TNPO1: variants seen among roughly 807,000 people sequenced by gnomAD.
TNPO1 encodes transportin-1.
In TNPO1, 8 loss-of-function variants were observed where a neutral mutation model predicts 119.5. The observed-to-expected ratio is 0.07, with a 90% CI of 0.04 to 0.12. The LOEUF (loss-of-function observed/expected upper bound fraction) is 0.12, where lower values mean the gene tolerates loss of function less well. TNPO1 is among the 10% of genes least tolerant of loss of function. The probability of loss-of-function intolerance (pLI) is 1.00; values close to 1 mark genes in which losing one functional copy is unlikely to be tolerated. For synonymous variants in TNPO1, 362 were observed against 363.0 expected, an observed-to-expected ratio of 1.00 and a Z score of 0.03; for missense variants, 576 against 1,089.8, an observed-to-expected ratio of 0.53 and a Z score of 6.64.
chr5:72,901,242 T>A (rs1749777233), intron 22 of TNPO1, among the ~76,000 whole-genome samples, 169 bp downstream of exon 22: 1 of 152,214 alleles, frequency 6.6e-6, no homozygotes, highest in Non-Finnish European at 1.5e-5. Context: ...AATGCCTTTT[T>A]TTTTTCCTAA....
In TNPO1 at chr5:72,896,868, AAAAT is replaced by A. The variant is rs1319858032; in HGVS notation, c.2243-176_2243-173del. ...TGGTGACGGAGCGAAACTTTGTCTC[AAAAT>A]AAATAAATAAAATATAAATTTTTAG... On this transcript the variant is annotated intron_variant, in intron 19 of 24. Transcript: ENST00000337273. 3.9e-5 allele frequency among the ~76,000 whole-genome samples: 6 copies of A among 152,320 alleles called. No homozygotes were observed. In the East Asian group the frequency reaches 5.8e-4, roughly 15 times the overall value.
intron 14 of TNPO1, among the ~76,000 whole-genome samples, chr5:72,890,389 G>A (rs1748962430): frequency 6.6e-6 from 1 of 152,122 alleles, no homozygotes; most frequent in South Asian, 2.1e-4. Context: ...GGGGTAGTAG[G>A]TTTAAAAATG....
chr5:72,827,736 A>C (rs377749715), intron 1 of TNPO1, among the ~76,000 whole-genome samples: 4 of 152,004 alleles, frequency 2.6e-5, no homozygotes, highest in East Asian at 3.9e-4. Context: ...CAGCATAGGG[A>C]GACCCTGTCT....
chr5:72,827,917 C>CAAA, intron 1 of TNPO1, among the ~76,000 whole-genome samples: 1 of 79,356 alleles, frequency 1.3e-5, no homozygotes, highest in Non-Finnish European at 2.6e-5. Flanking sequence ...GAGATCCTGC[C>CAAA]AAAAAAAAAA....
At chr5:72,849,541 G>A (rs972883822) in intron 2 of TNPO1, among the ~76,000 whole-genome samples, 1 of 152,186 alleles carries the variant, frequency 6.6e-6, no homozygotes, top group Non-Finnish European at 1.5e-5. Context: ...CTGTAAAGAT[G>A]AAGTTATTTA....
At chr5:72,856,186 A>G (rs1264021720) in intron 4 of TNPO1, among the ~76,000 whole-genome samples, 1 of 152,178 alleles carries the variant, frequency 6.6e-6, no homozygotes, top group Non-Finnish European at 1.5e-5. Flanking sequence ...AACAAGTGAT[A>G]TTAATTTGCG....
At chr5:72,843,256 G>T (rs927247364) in intron 1 of TNPO1, among the ~76,000 whole-genome samples, 1 of 152,146 alleles carries the variant, frequency 6.6e-6, no homozygotes, top group African/African-American at 2.4e-5. Context: ...ACATATACAT[G>T]TGGAACTTTT....
At chr5:72,851,092 G>A (rs772769197) in intron 2 of TNPO1, 152 bp from the exon 3 acceptor site, 64 of 601,456 alleles carry the variant, frequency 1.1e-4, no homozygotes, top group Non-Finnish European at 1.7e-4. Flanking sequence ...AATAGATGTT[G>A]ATAGATTTAG....
chr5:72,824,939 C>T (rs769474742), intron 1 of TNPO1, among the ~76,000 whole-genome samples: 1 of 152,228 alleles, frequency 6.6e-6, no homozygotes, highest in Non-Finnish European at 1.5e-5. Context: ...CCCACAGACT[C>T]TCCCATTTCT....
At chr5:72,822,011 T>G (rs1284219383) in intron 1 of TNPO1, among the ~76,000 whole-genome samples, 1 of 152,208 alleles carries the variant, frequency 6.6e-6, no homozygotes, top group Admixed American at 6.5e-5. Flanking sequence ...TATGGCCAGA[T>G]TTGACTAAGG....
chr5:72,816,675 T>A lies in TNPO1; in HGVS notation c.-63T>A, dbSNP rs919990974. The A allele has an allele frequency of 2.0e-6, 3 of 1,508,120 alleles. No individual in the cohort carries two copies. Among genetic ancestry groups the A allele is most frequent in the Non-Finnish European group, 2.7e-6 (3 of 1,127,360 alleles). The allele number at this position is 1,508,120 out of a possible 1,614,324, so 93.4% of individuals were successfully genotyped here. ...AGATTCTCTTTGTTCCGCAGCCATT[T>A]CAGGCCCCGGACAGGAGGCAGTGCC... On this transcript the variant is annotated 5_prime_UTR_variant, in exon 1 of 25. Coordinates refer to ENST00000337273, the MANE Select transcript of TNPO1 (RefSeq NM_002270.4).
At chr5:72,906,063 C>G (rs1329752881) in intron 24 of TNPO1, among the ~76,000 whole-genome samples, 3 of 151,966 alleles carry the variant, frequency 2.0e-5, no homozygotes, top group Non-Finnish European at 4.4e-5. Flanking sequence ...TTCCTTTTTT[C>G]TTTCTTTTTT....
chr5:72,853,797 A>C (rs1336076105), intron 3 of TNPO1, among the ~76,000 whole-genome samples: 1 of 152,196 alleles, frequency 6.6e-6, no homozygotes. Flanking sequence ...CTTATGTAGT[A>C]ATCTTATCAC....
chr5:72,862,465 A>C (rs935916821), intron 5 of TNPO1: 1 of 152,650 alleles, frequency 6.6e-6, no homozygotes, highest in Middle Eastern at 3.4e-3. Context: ...TGGGGACTAC[A>C]GGCATGTACT....
chr5:72,877,335 G>A lies in TNPO1; in HGVS notation c.909G>A (p.Arg303=), dbSNP rs748978426. The A allele has an allele frequency of 4.4e-6, 7 of 1,585,020 alleles. No individual in the cohort carries two copies. The East Asian group carries it at 1.1e-4, about 25-fold the overall frequency. ...CAATATGCAAAGATGTACTCGTAAG[G>A]CATCTTCCTAAGTAAGTGTTCCCTC... The part of the protein sequence containing the change: ...EQPICKDVLV[R]HLPKLIPVLV... Residue 303 remains arginine (R), a synonymous_variant, in exon 9 of 25, where the codon AGG becomes AGA. Coordinates refer to ENST00000337273, the MANE Select transcript of TNPO1 (RefSeq NM_002270.4).
rs1359200401 is a variant in TNPO1, at chr5:72,910,669, A to G, written c.*1996A>G. The G allele has an allele frequency of 2.0e-5, 3 of 152,568 alleles. No individual in the cohort carries two copies. Among genetic ancestry groups the G allele is most frequent in the East Asian group, 3.9e-4 (2 of 5,186 alleles). 9.5% of individuals were successfully genotyped at this position (152,568 alleles called of 1,614,324 possible). Reference sequence around the variant, plus strand: ...CAGTTGCTCCTCTTTGCATGGTTCTATTCTCTAAAAGTGTTGAATGATACA... The same window carrying G: ...CAGTTGCTCCTCTTTGCATGGTTCTGTTCTCTAAAAGTGTTGAATGATACA... On this transcript the variant is annotated 3_prime_UTR_variant, in exon 25 of 25. Coordinates refer to ENST00000337273, the MANE Select transcript of TNPO1 (RefSeq NM_002270.4).
chr5:72,851,431 A>G, intron 3 of TNPO1, 112 bp downstream of exon 3: 1 of 672,470 alleles, frequency 1.5e-6, no homozygotes, highest in Non-Finnish European at 2.6e-6. Context: ...TGTGCTTTAT[A>G]GATGTGGGAT....
chr5:72,890,100 G>A, intron 14 of TNPO1, 143 bp downstream of exon 14: 3 of 880,222 alleles, frequency 3.4e-6, no homozygotes, highest in Non-Finnish European at 5.1e-6. Flanking sequence ...ATCTTACAAA[G>A]GCAGCAAGTA....
At chr5:72,876,197 A>T (rs899101399) in intron 8 of TNPO1, among the ~76,000 whole-genome samples, 1 of 152,216 alleles carries the variant, frequency 6.6e-6, no homozygotes, top group Middle Eastern at 3.2e-3. Context: ...TGGGGAGCCT[A>T]ATTTATAATG....
Sources: gnomAD v4.1 joint callset for allele counts (sites outside exome capture counted in the v4.1 genomes callset) on GRCh38, gnomAD v4.1.1 for gene constraint, MANE v1.5 for transcripts, NCBI Gene and HGNC (gene_info 2026-07-23, HGNC 2026-07-21) for gene names.